Variants in MUC5AC observed in about 807,000 individuals in gnomAD.
MUC5AC encodes mucin 5AC, oligomeric mucus/gel-forming.
Under a neutral mutation model 169.7 loss-of-function variants are expected in MUC5AC, and 158 were observed. That is an observed-to-expected ratio of 0.93 (90% CI 0.82 to 1.06). The LOEUF is 1.06. Among genes scored for constraint, MUC5AC ranks in the 50% least tolerant of loss-of-function variants. MUC5AC has a pLI of 0.00. For missense variants in MUC5AC, 4,359 were observed against 3,089.9 expected (o/e 1.41, Z -9.74); for synonymous variants, 1,975 against 1,237.0 (o/e 1.60, Z -12.52).
rs1860810072 is a variant in MUC5AC, at chr11:1,181,318, A to T, written c.3868A>T (p.Ile1290Phe). The T allele has an allele frequency of 3.0e-5, 12 of 398,546 alleles. No homozygotes were observed. The South Asian group carries it at 1.5e-3, about 51-fold the overall frequency. The allele number at this position is 398,546 out of a possible 1,614,324, so 24.7% of individuals were successfully genotyped here. Residue 1290 changes from isoleucine to phenylalanine, a missense_variant, in exon 30 of 49, where the codon ATC becomes TTC. By Grantham distance (21) the Ile-to-Phe change is conservative. Transcript: ENST00000621226. Reference sequence around the variant, plus strand: ...ACAGCGCTTCCACCCAGGGGACGTCATCTACCACACGACGGATGGCACGGG... The same window carrying T: ...ACAGCGCTTCCACCCAGGGGACGTCTTCTACCACACGACGGATGGCACGGG... ...NGQRFHPGDV[I>F]YHTTDGTGGC...
At position 1,165,607 on chromosome 11, in the gene MUC5AC, A is replaced by T; in HGVS notation, c.1248-15A>T. ...CTGGGGCCGGCACCCACGTGGCACC[A>T]TCTCTTGCTCTCAGCACCTGCTCCG... On this transcript the variant is annotated splice_polypyrimidine_tract_variant and intron_variant, in intron 10 of 48. Coordinates refer to ENST00000621226, the MANE Select transcript of MUC5AC (RefSeq NM_001304359.2). 6.2e-7 allele frequency: 1 copy of T among 1,611,358 alleles called. No homozygotes were observed. The highest frequency in any genetic ancestry group is 8.5e-7 in the Non-Finnish European group (1 of 1,179,632).
In MUC5AC at chr11:1,186,701, A is replaced by T; in HGVS notation, c.8556A>T (p.Thr2852=). 5.4e-6 allele frequency: 4 copies of T among 734,698 alleles called. No individual in the cohort carries two copies. The highest frequency in any genetic ancestry group is 9.9e-6 in the Non-Finnish European group (4 of 402,796). 45.5% of individuals were successfully genotyped at this position (734,698 alleles called of 1,614,324 possible). A position where few individuals can be genotyped will look rare whatever the true frequency, so the allele number is the denominator to read the frequency against. ...TSTTSAPTTS[T]TSAPTTRTTS... is the part of the protein sequence containing the mutation. ...CAACCTCTGCCCCTACAACCAGCAC[A>T]ACCTCTGCCCCTACAACCAGAACAA... is the stretch of plus-strand genomic sequence containing the variant. Residue 2852 remains threonine (T), a synonymous_variant, in exon 31 of 49, where the codon ACA becomes ACT. Transcript: ENST00000621226.
intron 1 of MUC5AC, among the ~76,000 whole-genome samples, chr11:1,160,405 TGGA>T (rs1374472977): frequency 6.6e-6 from 1 of 152,032 alleles, no homozygotes. Flanking sequence ...GAGATGCTCC[TGGA>T]GGGTCTGGGC....
intron 28 of MUC5AC, among the ~76,000 whole-genome samples, chr11:1,180,744 G>A (rs1392011534): frequency 2.6e-5 from 4 of 152,018 alleles, no homozygotes; most frequent in African/African-American, 9.7e-5. Flanking sequence ...GCTCCTCTGG[G>A]CAGAAAACCA....
At chr11:1,174,199 C>T (rs1409269171) in intron 16 of MUC5AC, among the ~76,000 whole-genome samples, 1 of 152,276 alleles carries the variant, frequency 6.6e-6, no homozygotes, top group Non-Finnish European at 1.5e-5. Flanking sequence ...TAGGCCAAGG[C>T]TGAGCTGATG....
In MUC5AC at chr11:1,189,458, T is replaced by C. The variant is rs1405031985; in HGVS notation, c.11313T>C (p.Pro3771=). Residue 3771 remains proline, a synonymous_variant, in exon 31 of 49, where the codon CCT becomes CCC. Coordinates refer to ENST00000621226, the MANE Select transcript of MUC5AC (RefSeq NM_001304359.2). ...CTCCTACGAGCACTTCCTCGGCTCCTACAACCAACACAACCTCTGCCCCTA... is the reference window on the plus strand; with the variant it reads ...CTCCTACGAGCACTTCCTCGGCTCCCACAACCAACACAACCTCTGCCCCTA... ...TSAPTSTSSA[P]TTNTTSAPTT... 3.2e-5 allele frequency: 18 copies of C among 558,606 alleles called. No individual in the cohort carries two copies. In the East Asian group the frequency reaches 5.1e-4, roughly 16 times the overall value. The allele number at this position is 558,606 out of a possible 1,614,324, so 34.6% of individuals were successfully genotyped here. A position where few individuals can be genotyped will look rare whatever the true frequency, so the allele number is the denominator to read the frequency against.
intron 15 of MUC5AC, among the ~76,000 whole-genome samples, chr11:1,169,422 C>CCACTCACCTCACTCACTCACCCACTCACT (rs1860434038): frequency 1.4e-5 from 1 of 73,952 alleles, no homozygotes; most frequent in Admixed American, 1.2e-4. Context: ...ACCCATTCGC[C>CCACTCACCTCACTCACTCACCCACTCACT]CACTCACCTC....
chr11:1,176,672 C>T lies in MUC5AC; in HGVS notation c.2654+7C>T, dbSNP rs909598493. The T allele has an allele frequency of 8.3e-5, 33 of 398,656 alleles. No homozygotes were observed. The highest frequency in any genetic ancestry group is 4.1e-4 in the African/African-American group (20 of 48,740). The allele number at this position is 398,656 out of a possible 1,614,324, so 24.7% of individuals were successfully genotyped here. ...GGGTGGGCTGCAACACCTGGTATGC[C>T]GGGGGCTCAAAGCCCATGGGGGGTG... On this transcript the variant is annotated splice_region_variant and intron_variant, in intron 21 of 48. Coordinates refer to ENST00000621226, the MANE Select transcript of MUC5AC (RefSeq NM_001304359.2).
In MUC5AC at chr11:1,191,770, G is replaced by C. The variant is rs1326140255; in HGVS notation, c.13625G>C (p.Gly4542Ala). The C allele has an allele frequency of 1.3e-6, 1 of 745,874 alleles. No homozygotes were observed. Among genetic ancestry groups the C allele is most frequent in the African/African-American group, 1.9e-5 (1 of 52,888 alleles). 46.2% of individuals were successfully genotyped at this position (745,874 alleles called of 1,614,324 possible). ...ACAGCCAGCACAACCTCTGGTCCTG[G>C]AACTTCTCTCAGCCCTGTTCCCACC... is the stretch of plus-strand genomic sequence containing the variant. ...ASTASTTSGP[G>A]TSLSPVPTTS... Residue 4542 changes from glycine (G) to alanine (A), a missense_variant, in exon 31 of 49, where the codon GGA (glycine) becomes GCA (alanine). By Grantham distance (60) the Gly-to-Ala change is moderately conservative. Transcript: ENST00000621226.
chr11:1,195,151 C>A lies in MUC5AC; in HGVS notation c.15330C>A (p.Thr5110=), dbSNP rs547181023. 1.3e-6 allele frequency: 1 copy of A among 757,052 alleles called. No individual in the cohort carries two copies. The highest frequency in any genetic ancestry group is 2.4e-6 in the Non-Finnish European group (1 of 414,032). The allele number at this position is 757,052 out of a possible 1,614,324, so 46.9% of individuals were successfully genotyped here. The change falls in exon 36 of 49, where the codon ACC becomes ACA. Residue 5110 remains threonine, a synonymous_variant. Transcript: ENST00000621226. ...GCCACCGGCCTCACCCGACGCCCAC[C>A]ACGGTCGGGCCCACCACAGTTGGGT... The part of the protein sequence containing the change: ...PACHRPHPTP[T]TVGPTTVGST...
chr11:1,200,885 T>C lies in MUC5AC; in HGVS notation c.*183T>C. On this transcript the variant is annotated 3_prime_UTR_variant, in exon 49 of 49. Coordinates refer to ENST00000621226, the MANE Select transcript of MUC5AC (RefSeq NM_001304359.2). The stretch of plus-strand genomic sequence containing the variant: ...CACCTGCTGCCTGGAGGAGGGGCCC[T>C]TACCCACCCCGCCTGCAGCCACCTC... 4.0e-6 allele frequency: 2 copies of C among 498,526 alleles called. No individual in the cohort carries two copies. Among genetic ancestry groups the C allele is most frequent in the Non-Finnish European group, 7.1e-6 (2 of 280,898 alleles). The allele number at this position is 498,526 out of a possible 1,614,324, so 30.9% of individuals were successfully genotyped here. A position where few individuals can be genotyped will look rare whatever the true frequency, so the allele number is the denominator to read the frequency against.
rs1425920100 is a variant in MUC5AC at position 1,183,712 on chromosome 11, C to T, written c.5567C>T (p.Thr1856Ile). The change falls in exon 31 of 49, where the codon ACC becomes ATC. Residue 1856 changes from threonine to isoleucine, a missense_variant. Coordinates refer to ENST00000621226, the MANE Select transcript of MUC5AC (RefSeq NM_001304359.2). The part of the protein sequence containing the change: ...GCHMTSTPGS[T>I]SSSPAQTTPS... ...CACATGACCTCCACACCTGGCTCCA[C>T]CTCTAGCAGTCCAGCCCAGACCACT... The T allele has an allele frequency of 3.2e-6, 2 of 617,212 alleles. No individual in the cohort carries two copies. Among genetic ancestry groups the T allele is most frequent in the Non-Finnish European group, 5.8e-6 (2 of 347,664 alleles). The allele number at this position is 617,212 out of a possible 1,614,324, so 38.2% of individuals were successfully genotyped here. A position where few individuals can be genotyped will look rare whatever the true frequency, so the allele number is the denominator to read the frequency against.
intron 47 of MUC5AC, 43 bp from the exon 48 acceptor site, chr11:1,199,812 T>C (rs28439383): frequency 0.74 from 542,771 of 737,414 alleles, 202,852 homozygotes; most frequent in Non-Finnish European, 0.79. Context: ...CTCAGAGGTC[T>C]AGGAGCAGCT....
intron 28 of MUC5AC, among the ~76,000 whole-genome samples, chr11:1,180,728 T>C (rs1375656440): frequency 1.3e-5 from 2 of 151,606 alleles, no homozygotes; most frequent in African/African-American, 4.8e-5. Context: ...CGGGACTGGG[T>C]GTAGGGCTCC....
chr11:1,197,207 G>A (rs189176843), intron 40 of MUC5AC, among the ~76,000 whole-genome samples: 11 of 152,176 alleles, frequency 7.2e-5, no homozygotes, highest in Admixed American at 6.5e-5. Context: ...TCCTTGGGAC[G>A]CCCCTTCTGC....
intron 41 of MUC5AC, 27 bp from the exon 42 acceptor site, chr11:1,197,876 C>T (rs1193743884): frequency 2.9e-6 from 2 of 700,592 alleles, no homozygotes; most frequent in African/African-American, 3.5e-5. Flanking sequence ...GGACAGACTC[C>T]TAATTGCCTC....
chr11:1,189,021 G>A lies in MUC5AC; in HGVS notation c.10876G>A (p.Val3626Met), dbSNP rs1183048699. The stretch of plus-strand genomic sequence containing the variant: ...CTGCGAGACCCCCAAAGGCTGCCCC[G>A]TGACCTCCACATCTGTGACAGCTCC... ...LCCETPKGCP[V>M]TSTSVTAPST... The change falls in exon 31 of 49, where the codon GTG (valine) becomes ATG (methionine). Residue 3626 changes from valine to methionine, a missense_variant. By Grantham distance (21) the Val-to-Met change is conservative. Coordinates refer to ENST00000621226, the MANE Select transcript of MUC5AC (RefSeq NM_001304359.2). 4.3e-5 allele frequency: 29 copies of A among 670,292 alleles called. No homozygotes were observed. The highest frequency in any genetic ancestry group is 1.1e-4 in the Admixed American group (5 of 45,572). 41.5% of individuals were successfully genotyped at this position (670,292 alleles called of 1,614,324 possible).
At chr11:1,171,986 G>C (rs971612597) in intron 15 of MUC5AC, among the ~76,000 whole-genome samples, 22 of 150,152 alleles carry the variant, frequency 1.5e-4, no homozygotes, top group African/African-American at 4.2e-4. Flanking sequence ...CACTCACTCA[G>C]TCATTCACTT....
intron 1 of MUC5AC, 39 bp from the exon 2 acceptor site, chr11:1,160,573 A>T: frequency 1.9e-6 from 3 of 1,568,912 alleles, no homozygotes; most frequent in Non-Finnish European, 2.6e-6. Flanking sequence ...CCCCTCAGCC[A>T]CCCTGCATCT....
Sources: allele counts gnomAD v4.1 joint callset (sites outside exome capture counted in the v4.1 genomes callset), GRCh38; gene constraint gnomAD v4.1.1; transcripts MANE v1.5; gene names NCBI Gene and HGNC (gene_info 2026-07-23, HGNC 2026-07-21).